The following CECR2 variants were observed in gnomAD, a reference collection of about 807,000 sequenced individuals.
CECR2 encodes chromatin remodeling regulator CECR2.
Under a neutral mutation model 154.5 loss-of-function variants are expected in CECR2, and 30 were observed. The observed-to-expected ratio is 0.19, with a 90% CI of 0.15 to 0.26. The LOEUF is 0.26. Ranked by LOEUF, CECR2 falls within the 10% of genes least tolerant of loss-of-function variation. The probability of loss-of-function intolerance (pLI) is 1.00; values close to 1 mark genes in which losing one functional copy is unlikely to be tolerated. For synonymous variants in CECR2, 725 were observed against 683.7 expected (o/e 1.06, Z -0.94); for missense variants, 1,743 against 1,829.3 (o/e 0.95, Z 0.86).
intron 1 of CECR2, among the ~76,000 whole-genome samples, chr22:17,397,295 A>G (rs889333549): frequency 3.5e-4 from 53 of 151,784 alleles, no homozygotes; most frequent in African/African-American, 1.2e-3. Context: ...ACACACCACC[A>G]CACCTGGCTA....
At chr22:17,499,643 T>C in intron 4 of CECR2, 94 bp downstream of exon 4, 1 of 1,295,728 alleles carries the variant, frequency 7.7e-7, no homozygotes, top group Non-Finnish European at 1.0e-6. Flanking sequence ...TTTTTTTTCC[T>C]AATGAAGGAA....
At chr22:17,532,129 A>G (rs2146991789) in intron 9 of CECR2, among the ~76,000 whole-genome samples, 1 of 152,248 alleles carries the variant, frequency 6.6e-6, no homozygotes, top group South Asian at 2.1e-4. Flanking sequence ...GTGGTTGTGC[A>G]CAGCACTCCA....
chr22:17,484,300 C>T (rs1375085876), intron 2 of CECR2, among the ~76,000 whole-genome samples: 2 of 152,164 alleles, frequency 1.3e-5, no homozygotes, highest in African/African-American at 2.4e-5. Context: ...AGCAATCTTC[C>T]TGCCTCAGCC....
intron 17 of CECR2, 69 bp downstream of exon 17, chr22:17,549,633 G>A (rs1436391322): frequency 1.5e-6 from 2 of 1,345,398 alleles, no homozygotes; most frequent in African/African-American, 1.5e-5. Flanking sequence ...TTATTTTTGA[G>A]ACAGAGTCTC....
At chr22:17,491,994 T>TA (rs531537319) in intron 2 of CECR2, among the ~76,000 whole-genome samples, 260 of 152,334 alleles carry the variant, frequency 1.7e-3, no homozygotes, top group African/African-American at 5.9e-3. Context: ...GAAGAACTGT[T>TA]ATTTTAATTA....
At chr22:17,401,328 G>A (rs2053887863) in intron 1 of CECR2, among the ~76,000 whole-genome samples, 2 of 152,110 alleles carry the variant, frequency 1.3e-5, no homozygotes, top group African/African-American at 4.8e-5. Context: ...ATAATCTACT[G>A]CAAATATTTA....
intron 1 of CECR2, among the ~76,000 whole-genome samples, chr22:17,395,693 T>C (rs1172859238): frequency 2.0e-5 from 3 of 152,138 alleles, no homozygotes; most frequent in African/African-American, 4.8e-5. Flanking sequence ...AGGAATATTA[T>C]CCTGTACGAC....
At chr22:17,551,511 G>A (rs2056707788) in intron 17 of CECR2, among the ~76,000 whole-genome samples, 1 of 152,118 alleles carries the variant, frequency 6.6e-6, no homozygotes, top group South Asian at 2.1e-4. Flanking sequence ...GTCTCCTTGT[G>A]TGTAGATGAA....
At position 17,517,254 on chromosome 22, in the gene CECR2, T is replaced by TG. The variant is rs548805601; in HGVS notation, c.954+5359dup. Among the ~76,000 whole-genome samples the TG allele has an allele frequency of 4.2e-4, 64 of 152,356 alleles. No individual in the cohort carries two copies. The East Asian group carries it at 0.012, about 28-fold the overall frequency. The stretch of plus-strand genomic sequence containing the variant: ...TTGCGCTTTCTGGCTCTATCTCTCT[T>TG]GCTTCGCTGTGCTAAGACGTGCTTC... On this transcript the variant is annotated intron_variant, in intron 8 of 18. Coordinates refer to ENST00000262608, the MANE Select transcript of CECR2 (RefSeq NM_001290047.2).
intron 17 of CECR2, among the ~76,000 whole-genome samples, chr22:17,551,483 T>C (rs1358400492): frequency 2.6e-5 from 4 of 152,188 alleles, no homozygotes; most frequent in African/African-American, 9.6e-5. Flanking sequence ...GTGTTCCAGA[T>C]TCCAGATTCA....
At chr22:17,419,708 C>CTATTTCCTCCTTCGTAGCGTGCTGT (rs2054216048) in intron 1 of CECR2, 2 of 302,696 alleles carry the variant, frequency 6.6e-6, no homozygotes, top group African/African-American at 2.2e-5. Context: ...CGAGCTGGAG[C>CTATTTCCTCCTTCGTAGCGTGCTGT]TAGAGAGCTG....
intron 1 of CECR2, among the ~76,000 whole-genome samples, chr22:17,435,426 C>T (rs1232898636): frequency 6.6e-6 from 1 of 151,838 alleles, no homozygotes; most frequent in Non-Finnish European, 1.5e-5. Flanking sequence ...ATTTGGAGAC[C>T]GGGTTTTATA....
rs775966102 is a variant in CECR2, at chr22:17,524,242, A to T, written c.1079A>T (p.Glu360Val). ...EQMLKEERKR[E>V]LEEKVKAVED... ...ATGCTAAAGGAAGAGAGGAAACGCG[A>T]GTTGGAGGAGAAGGTCAAGGCAGTG... The change falls in exon 9 of 19, where the codon GAG (glutamate) becomes GTG (valine). Residue 360 changes from glutamate to valine, a missense_variant. Coordinates refer to ENST00000262608, the MANE Select transcript of CECR2 (RefSeq NM_001290047.2). 6.2e-7 allele frequency: 1 copy of T among 1,609,832 alleles called. No homozygotes were observed. The highest frequency in any genetic ancestry group is 8.5e-7 in the Non-Finnish European group (1 of 1,178,302).
At chr22:17,500,966 G>A (rs926270725) in intron 5 of CECR2, among the ~76,000 whole-genome samples, 14 of 152,134 alleles carry the variant, frequency 9.2e-5, no homozygotes, top group African/African-American at 3.1e-4. Flanking sequence ...GACGATGGAT[G>A]TGCACTTAAT....
chr22:17,395,117 A>G (rs1321381554), intron 1 of CECR2, among the ~76,000 whole-genome samples: 1 of 151,890 alleles, frequency 6.6e-6, no homozygotes, highest in East Asian at 1.9e-4. Flanking sequence ...CCCCATCCCT[A>G]CTCTGGTCTC....
At chr22:17,462,492 G>A (rs998164367) in intron 1 of CECR2, among the ~76,000 whole-genome samples, 40 of 152,282 alleles carry the variant, frequency 2.6e-4, no homozygotes, top group African/African-American at 8.9e-4. Flanking sequence ...AGGAGTCTTT[G>A]GAGGCTTCTA....
At chr22:17,521,353 AC>A (rs2056154048) in intron 8 of CECR2, among the ~76,000 whole-genome samples, 1 of 152,150 alleles carries the variant, frequency 6.6e-6, no homozygotes, top group Non-Finnish European at 1.5e-5. Context: ...ATCCTGGCTA[AC>A]ACAGTGATAC....
At chr22:17,438,801 T>C (rs2054543718) in intron 1 of CECR2, among the ~76,000 whole-genome samples, 1 of 152,206 alleles carries the variant, frequency 6.6e-6, no homozygotes, top group South Asian at 2.1e-4. Flanking sequence ...CAGTGTGTTA[T>C]TTCTTATTGA....
intron 1 of CECR2, among the ~76,000 whole-genome samples, chr22:17,441,810 CAG>C (rs1357852356): frequency 1.3e-5 from 2 of 152,110 alleles, no homozygotes; most frequent in African/African-American, 2.4e-5. Context: ...CTTTATGAAA[CAG>C]AATTTACAGA....
Sources: gnomAD v4.1 joint callset for allele counts (sites outside exome capture counted in the v4.1 genomes callset) on GRCh38, gnomAD v4.1.1 for gene constraint, MANE v1.5 for transcripts, NCBI Gene and HGNC (gene_info 2026-07-23, HGNC 2026-07-21) for gene names.